PRKCI: variants seen among roughly 807,000 people sequenced by gnomAD.
PRKCI encodes the protein protein kinase C iota.
PRKCI carries 43 observed loss-of-function variants against 84.0 expected under a neutral mutation model. The ratio of observed to expected loss-of-function variants is 0.51; its 90% CI spans 0.40 to 0.66. The LOEUF is 0.66. PRKCI is among the 30% of genes least tolerant of loss of function. The pLI is 0.00. For missense variants in PRKCI, 459 were observed against 745.6 expected (o/e 0.62, Z 4.48); for synonymous variants, 216 against 234.4 (o/e 0.92, Z 0.72).
chr3:170,297,762 G>C (rs187532402), intron 16 of PRKCI, among the ~76,000 whole-genome samples: 1 of 150,804 alleles, frequency 6.6e-6, no homozygotes, highest in Non-Finnish European at 1.5e-5. Context: ...GGCCTATCTC[G>C]GGCCAAATTT....
chr3:170,295,539 A>C (rs1734668278), intron 14 of PRKCI, among the ~76,000 whole-genome samples: 1 of 151,848 alleles, frequency 6.6e-6, no homozygotes, highest in Non-Finnish European at 1.5e-5. Flanking sequence ...CACTGGGCAT[A>C]GTGGCACACG....
intron 2 of PRKCI, among the ~76,000 whole-genome samples, chr3:170,251,211 G>A (rs2108844415): frequency 6.6e-6 from 1 of 152,300 alleles, no homozygotes; most frequent in African/African-American, 2.4e-5. Flanking sequence ...ATTATACAAA[G>A]TGAATTCCCT....
At chr3:170,228,675 GTC>G (rs1732702680) in intron 1 of PRKCI, among the ~76,000 whole-genome samples, 1 of 151,408 alleles carries the variant, frequency 6.6e-6, no homozygotes, top group Non-Finnish European at 1.5e-5. Context: ...TTCCCCTGTA[GTC>G]TCTCACTCCC....
intron 6 of PRKCI, 114 bp downstream of exon 6, chr3:170,270,675 C>A: frequency 7.8e-7 from 1 of 1,284,334 alleles, no homozygotes; most frequent in Non-Finnish European, 1.0e-6. Flanking sequence ...AACAGAGTAG[C>A]TACAGAGTAT....
intron 2 of PRKCI, among the ~76,000 whole-genome samples, chr3:170,236,698 CAA>C (rs1339897047): frequency 6.6e-6 from 1 of 151,644 alleles, no homozygotes; most frequent in African/African-American, 2.4e-5. Context: ...CCTGTCTCTA[CAA>C]AAAGTTTTTA....
intron 2 of PRKCI, among the ~76,000 whole-genome samples, chr3:170,257,248 C>T (rs1377581503): frequency 1.3e-5 from 2 of 151,936 alleles, no homozygotes; most frequent in East Asian, 1.9e-4. Context: ...TTTTAGAAAC[C>T]GAGACACAGG....
intron 1 of PRKCI, among the ~76,000 whole-genome samples, chr3:170,229,408 G>A (rs1411154424): frequency 6.6e-6 from 1 of 152,164 alleles, no homozygotes; most frequent in East Asian, 1.9e-4. Flanking sequence ...CAACCACTCT[G>A]GGTTCAAGCA....
chr3:170,302,974 T>C, intron 17 of PRKCI, 66 bp from the exon 18 acceptor site: 1 of 1,155,768 alleles, frequency 8.7e-7, no homozygotes, highest in Non-Finnish European at 1.2e-6. Context: ...TTTAATCTTA[T>C]TTTACCATTT....
chr3:170,245,427 C>T (rs1733250684), intron 2 of PRKCI, among the ~76,000 whole-genome samples: 1 of 152,142 alleles, frequency 6.6e-6, no homozygotes, highest in Non-Finnish European at 1.5e-5. Flanking sequence ...AAAACTCACA[C>T]ATCTGGTGTC....
chr3:170,245,604 T>G (rs1182044988), intron 2 of PRKCI, among the ~76,000 whole-genome samples: 1 of 152,176 alleles, frequency 6.6e-6, no homozygotes, highest in Non-Finnish European at 1.5e-5. Flanking sequence ...CTTCTTCCTC[T>G]CCCTCATAGA....
rs200880680 is a variant in PRKCI, at chr3:170,259,982, A to G, written c.237A>G (p.Thr79=). 115 of 1,612,080 alleles carry G rather than the reference A, an allele frequency of 7.1e-5. 1 individual carries two copies. The highest frequency in any genetic ancestry group is 2.2e-5 in the East Asian group (1 of 44,738). Residue 79 remains threonine (T), a synonymous_variant, in exon 3 of 18, where the codon ACA becomes ACG. Coordinates refer to ENST00000295797, the MANE Select transcript of PRKCI (RefSeq NM_002740.6). ...TGTGTTTTTTAGGAGACCCGTGTAC[A>G]GTATCATCTCAGTTGGAGTTAGAAG... ...KWIDEEGDPC[T]VSSQLELEEA...
At chr3:170,251,446 A>G (rs1015338473) in intron 2 of PRKCI, among the ~76,000 whole-genome samples, 1 of 152,236 alleles carries the variant, frequency 6.6e-6, no homozygotes, top group African/African-American at 2.4e-5. Context: ...TCTATTGTAC[A>G]ATAAATGCCA....
At chr3:170,257,662 ATTTT>A (rs11362547) in intron 2 of PRKCI, among the ~76,000 whole-genome samples, 6 of 121,802 alleles carry the variant, frequency 4.9e-5, no homozygotes, top group Admixed American at 8.2e-5. Context: ...GGGAAAGAGA[ATTTT>A]TTTTTTTTTT....
intron 2 of PRKCI, among the ~76,000 whole-genome samples, chr3:170,240,458 C>G (rs1298887241): frequency 6.6e-6 from 1 of 152,112 alleles, no homozygotes; most frequent in Non-Finnish European, 1.5e-5. Flanking sequence ...TTGTCTTGTT[C>G]AAGTAAAAGG....
chr3:170,232,353 C>T (rs902734213), intron 1 of PRKCI, among the ~76,000 whole-genome samples: 2 of 151,076 alleles, frequency 1.3e-5, no homozygotes, highest in Non-Finnish European at 3.0e-5. Flanking sequence ...CCTGGCTGCA[C>T]TCATTTATTT....
intron 14 of PRKCI, among the ~76,000 whole-genome samples, chr3:170,295,283 G>T (rs144362144): frequency 0.017 from 2,577 of 152,198 alleles, 45 homozygotes; most frequent in East Asian, 0.085. Flanking sequence ...AGCACTTTGG[G>T]AGTCCAAGGC....
Position 170,260,023 on chromosome 3 carries a change from A to G in PRKCI, c.278A>G (p.Tyr93Cys). 6.2e-7 allele frequency: 1 copy of G among 1,612,992 alleles called. No homozygotes were observed. The highest frequency in any genetic ancestry group is 8.5e-7 in the Non-Finnish European group (1 of 1,179,316). Residue 93 changes from tyrosine to cysteine, a missense_variant, in exon 3 of 18, where the codon TAT becomes TGT. By Grantham distance (194) the Tyr-to-Cys change is radical (BLOSUM62 -2). Around this residue, in one of 2 missense-constraint regions of PRKCI, gnomAD observed 250 missense variants for 319.7 expected, o/e 0.78. Coordinates refer to ENST00000295797, the MANE Select transcript of PRKCI (RefSeq NM_002740.6). ...GAGTTAGAAGAAGCCTTTAGACTTT[A>G]TGAGCTAAACAAGGATTCTGAACTC... Reference protein sequence around the residue: ...QLELEEAFRLYELNKDSELLI... With the variant: ...QLELEEAFRLCELNKDSELLI...
chr3:170,249,464 C>T (rs1306564682), intron 2 of PRKCI, among the ~76,000 whole-genome samples: 1 of 152,096 alleles, frequency 6.6e-6, no homozygotes, highest in African/African-American at 2.4e-5. Flanking sequence ...AAAAAACAGT[C>T]TGGACTCAGT....
chr3:170,268,256 G>A (rs1425855322), intron 5 of PRKCI, among the ~76,000 whole-genome samples: 1 of 151,520 alleles, frequency 6.6e-6, no homozygotes, highest in Non-Finnish European at 1.5e-5. Context: ...CAAGGCTGCC[G>A]GATCAGTTGA....
Sources: allele counts gnomAD v4.1 joint callset (sites outside exome capture counted in the v4.1 genomes callset), GRCh38; gene constraint gnomAD v4.1.1; regional missense constraint gnomAD v4.1.1; transcripts MANE v1.5; gene names NCBI Gene and HGNC (gene_info 2026-07-23, HGNC 2026-07-21).